Variants in ZZEF1 observed in about 807,000 individuals in gnomAD.
ZZEF1 encodes zinc finger ZZ-type and EF-hand domain containing 1, also known as zinc finger ZZ-type and EF-hand domain-containing protein 1.
ZZEF1 carries 157 observed loss-of-function variants against 342.8 expected under a neutral mutation model. The observed-to-expected ratio is 0.46, with a 90% CI of 0.40 to 0.52. The LOEUF (loss-of-function observed/expected upper bound fraction) is 0.52, where lower values mean the gene tolerates loss of function less well. ZZEF1 is among the 20% of genes least tolerant of loss of function. The pLI, the probability that ZZEF1 is intolerant of heterozygous loss-of-function variation, is 0.00. For synonymous variants in ZZEF1, 1,505 were observed against 1,429.1 expected, an observed-to-expected ratio of 1.05 and a Z score of -1.20; for missense variants, 3,480 against 3,725.6, an observed-to-expected ratio of 0.93 and a Z score of 1.72.
chr17:4,094,572 C>T lies in ZZEF1; in HGVS notation c.1913+1259G>A, dbSNP rs186518699. 2.2e-4 allele frequency among the ~76,000 whole-genome samples: 33 copies of T among 152,274 alleles called. 1 individual carries two copies. The East Asian group carries it at 4.1e-3, about 19-fold the overall frequency. On this transcript the variant is annotated intron_variant, in intron 11 of 54. Coordinates refer to ENST00000381638, the MANE Select transcript of ZZEF1 (RefSeq NM_015113.4). ...CCGATTATCCATTGGCTACCGAACA[C>T]CTCAAAGGTTTCTCAGAACTTCAAA...
chr17:4,118,951 T>C (rs2058441148), intron 2 of ZZEF1, among the ~76,000 whole-genome samples: 1 of 152,212 alleles, frequency 6.6e-6, no homozygotes, highest in Non-Finnish European at 1.5e-5. Flanking sequence ...CAGTGTGATA[T>C]CTTGTGGAAG....
At chr17:4,013,356 T>C (rs1236001378) in intron 52 of ZZEF1, 93 bp downstream of exon 52, 2 of 1,252,686 alleles carry the variant, frequency 1.6e-6, no homozygotes, top group Non-Finnish European at 1.0e-6. Flanking sequence ...AAATGTCTTT[T>C]CATCAAAGTC....
chr17:4,112,095 T>TATA lies in ZZEF1; in HGVS notation c.1066+513_1066+514insTAT, dbSNP rs1268146017. ...ATATATATATATATATATATATATG[T>TATA]TTTGTTTTGTTTTTAATGAAAAAAA... On this transcript the variant is annotated intron_variant, in intron 5 of 54. Coordinates refer to ENST00000381638, the MANE Select transcript of ZZEF1 (RefSeq NM_015113.4). 1.8e-4 allele frequency among the ~76,000 whole-genome samples: 16 copies of TATA among 88,166 alleles called. 1 individual carries two copies. Among genetic ancestry groups the TATA allele is most frequent in the Non-Finnish European group, 2.4e-4 (10 of 42,108 alleles). 57.8% of individuals were successfully genotyped at this position (88,166 alleles called of 152,430 possible). A position where few individuals can be genotyped will look rare whatever the true frequency, so the allele number is the denominator to read the frequency against.
chr17:4,031,829 T>G (rs373661083), intron 42 of ZZEF1, among the ~76,000 whole-genome samples: 20 of 152,094 alleles, frequency 1.3e-4, no homozygotes, highest in Non-Finnish European at 2.1e-4. Flanking sequence ...AAATTACCCA[T>G]AGAAAGCAAA....
At chr17:4,011,232 T>A (rs895447399) in intron 52 of ZZEF1, among the ~76,000 whole-genome samples, 1 of 151,880 alleles carries the variant, frequency 6.6e-6, no homozygotes, top group Admixed American at 6.6e-5. Flanking sequence ...CGAAACCCCA[T>A]CTCCATAAAA....
chr17:4,085,894 C>T, intron 15 of ZZEF1, 91 bp from the exon 16 acceptor site: 1 of 1,499,090 alleles, frequency 6.7e-7, no homozygotes, highest in East Asian at 2.3e-5. Flanking sequence ...CACTACTCTC[C>T]ATTTTGTACT....
chr17:4,112,926 C>A, intron 4 of ZZEF1, 118 bp from the exon 5 acceptor site: 1 of 861,116 alleles, frequency 1.2e-6, no homozygotes, highest in East Asian at 2.9e-5. Context: ...GTTTTCCTAA[C>A]AGCAACTAAC....
At chr17:4,066,371 GGTGA>G (rs2057395568) in intron 28 of ZZEF1, 72 bp downstream of exon 28, 2 of 1,242,666 alleles carry the variant, frequency 1.6e-6, no homozygotes, top group Non-Finnish European at 1.2e-6. Flanking sequence ...TAATCTAGAA[GGTGA>G]GTAATTGGTT....
intron 29 of ZZEF1, 98 bp downstream of exon 29, chr17:4,064,260 ATAT>A (rs2057345251): frequency 3.2e-6 from 3 of 935,294 alleles, no homozygotes; most frequent in Non-Finnish European, 4.8e-6. Context: ...TCTATCCTAA[ATAT>A]TATTTGTTCG....
intron 25 of ZZEF1, 98 bp downstream of exon 25, chr17:4,072,510 G>T: frequency 7.2e-7 from 1 of 1,382,314 alleles, no homozygotes; most frequent in Non-Finnish European, 9.6e-7. Context: ...TGCTTAATAC[G>T]GGTAGTAAGA....
intron 9 of ZZEF1, among the ~76,000 whole-genome samples, chr17:4,100,657 A>C (rs1478607146): frequency 6.6e-6 from 1 of 152,098 alleles, no homozygotes. Context: ...AACGTGGTGA[A>C]ACCCCGTCTC....
At chr17:4,096,974 TG>T (rs962244060) in intron 9 of ZZEF1, among the ~76,000 whole-genome samples, 1 of 151,684 alleles carries the variant, frequency 6.6e-6, no homozygotes, top group Non-Finnish European at 1.5e-5. Context: ...AGAAAATAAA[TG>T]TTTAGGCCGG....
chr17:4,056,147 C>G (rs563251639), intron 33 of ZZEF1, 69 bp downstream of exon 33: 122 of 1,417,680 alleles, frequency 8.6e-5, no homozygotes, highest in Non-Finnish European at 1.1e-4. Context: ...GCCAGAACCC[C>G]CCCAGGCAAA....
intron 1 of ZZEF1, among the ~76,000 whole-genome samples, chr17:4,129,487 A>G (rs1038767202): frequency 1.3e-5 from 2 of 152,204 alleles, no homozygotes; most frequent in African/African-American, 4.8e-5. Context: ...CTAAATGCCC[A>G]TCAATGACAG....
intron 35 of ZZEF1, 135 bp from the exon 36 acceptor site, chr17:4,051,178 T>C (rs545250452): frequency 1.7e-6 from 2 of 1,179,118 alleles, no homozygotes; most frequent in South Asian, 1.4e-5. Context: ...TTACTGAAAA[T>C]GTAAAGAAAG....
intron 34 of ZZEF1, among the ~76,000 whole-genome samples, chr17:4,053,819 A>G (rs142749447): frequency 6.6e-6 from 1 of 152,200 alleles, no homozygotes; most frequent in South Asian, 2.1e-4. Context: ...ACTGGTCCCG[A>G]GTGTTTATTA....
intron 42 of ZZEF1, 118 bp downstream of exon 42, chr17:4,032,008 T>G: frequency 8.9e-7 from 1 of 1,122,974 alleles, no homozygotes; most frequent in Non-Finnish European, 1.3e-6. Context: ...GAGCTATAAC[T>G]TGTTCTTTAA....
intron 21 of ZZEF1, 53 bp downstream of exon 21, chr17:4,076,584 C>G: frequency 6.4e-7 from 1 of 1,573,848 alleles, no homozygotes; most frequent in South Asian, 1.1e-5. Flanking sequence ...CTAAGTGTGT[C>G]CCATCACTCC....
chr17:4,103,334 G>C (rs1325251745), intron 8 of ZZEF1, among the ~76,000 whole-genome samples: 4 of 151,996 alleles, frequency 2.6e-5, no homozygotes, highest in African/African-American at 9.7e-5. Context: ...CTTGAGTCCA[G>C]GAGTTTGAGA....
Sources: gnomAD v4.1 joint callset for allele counts (sites outside exome capture counted in the v4.1 genomes callset) on GRCh38, gnomAD v4.1.1 for gene constraint, MANE v1.5 for transcripts, NCBI Gene and HGNC (gene_info 2026-07-23, HGNC 2026-07-21) for gene names.